ZNF81: variants seen among roughly 807,000 people sequenced by gnomAD.
The protein encoded by ZNF81 is zinc finger protein 81 (HFZ20).
ZNF81 carries 5 observed loss-of-function variants against 32.3 expected under a neutral mutation model. The observed-to-expected ratio is 0.15, with a 90% CI of 0.08 to 0.33. The LOEUF (loss-of-function observed/expected upper bound fraction) is 0.33, where lower values mean the gene tolerates loss of function less well. Ranked by LOEUF, ZNF81 falls within the 10% of genes least tolerant of loss-of-function variation. The probability of loss-of-function intolerance (pLI) is 1.00; values close to 1 mark genes in which losing one functional copy is unlikely to be tolerated. For missense variants in ZNF81, 379 were observed against 479.8 expected (o/e 0.79, Z 1.96); for synonymous variants, 163 against 166.8 (o/e 0.98, Z 0.17).
At chrX:47,893,215 GA>G (rs2058668282) in intron 3 of ZNF81, among the ~76,000 whole-genome samples, 1 of 111,012 alleles carries the variant, frequency 9.0e-6, no homozygotes, top group South Asian at 3.8e-4. Flanking sequence ...GGAATGGATA[GA>G]GGGGTGGAAG....
At chrX:47,862,930 G>A (rs782597896) in intron 2 of ZNF81, among the ~76,000 whole-genome samples, 3 of 111,543 alleles carry the variant, frequency 2.7e-5, no homozygotes, top group African/African-American at 9.8e-5. Context: ...CTAGTTTCAG[G>A]AAAACAAGCT....
intron 2 of ZNF81, among the ~76,000 whole-genome samples, chrX:47,878,397 T>C (rs1181198527): frequency 8.9e-6 from 1 of 112,075 alleles, no homozygotes. Context: ...CCATTTACTT[T>C]CAGTTTCAAG....
chrX:47,872,325 T>C (rs1019045892), intron 2 of ZNF81, among the ~76,000 whole-genome samples: 1 of 112,042 alleles, frequency 8.9e-6, no homozygotes, highest in African/African-American at 3.2e-5. Context: ...GTATCAGTTT[T>C]GCATTGTTCT....
chrX:47,916,367 G>T lies in ZNF81; in HGVS notation c.1721G>T (p.Arg574Ile), dbSNP rs183245244. ...AAGTCAGAGTTGATTACACATCAGAGAATTCATACTACAGAGAAGCCTTAT... is the reference window on the plus strand; with the variant it reads ...AAGTCAGAGTTGATTACACATCAGATAATTCATACTACAGAGAAGCCTTAT... ...IQKSELITHQ[R>I]IHTTEKPYKC... The change falls in exon 5 of 5, where the codon AGA (arginine) becomes ATA (isoleucine). Residue 574 changes from arginine to isoleucine, a missense_variant. Arg to Ile is a moderately conservative substitution (Grantham distance 97). Coordinates refer to ENST00000338637, the MANE Select transcript of ZNF81 (RefSeq NM_007137.5). 48 of 1,209,883 alleles carry T rather than the reference G, an allele frequency of 4.0e-5. No homozygotes were observed. Among genetic ancestry groups the T allele is most frequent in the Admixed American group, 8.8e-5 (4 of 45,666 alleles).
chrX:47,844,042 A>G (rs1395683801), intron 1 of ZNF81, among the ~76,000 whole-genome samples: 6 of 112,297 alleles, frequency 5.3e-5, no homozygotes, highest in Non-Finnish European at 1.1e-4. Flanking sequence ...CACTCCAAAT[A>G]CAATGCTGTA....
chrX:47,877,629 C>A (rs1603191197), intron 2 of ZNF81, among the ~76,000 whole-genome samples: 1 of 111,902 alleles, frequency 8.9e-6, no homozygotes, highest in East Asian at 2.8e-4. Context: ...CAGCCATGGC[C>A]ACATTGGTTT....
chrX:47,890,075 T>C (rs782237218), intron 3 of ZNF81, among the ~76,000 whole-genome samples: 79 of 111,909 alleles, frequency 7.1e-4, no homozygotes, highest in Middle Eastern at 4.6e-3. Context: ...TTGTTGACTA[T>C]CAATTTTGTG....
rs963493666 is a variant in ZNF81, at chrX:47,921,401, A to G, written c.*4769A>G. 1 of 109,949 alleles carries G rather than the reference A, an allele frequency of 9.1e-6. No individual in the cohort carries two copies. The highest frequency in any genetic ancestry group is 1.9e-5 in the Non-Finnish European group (1 of 52,796). 9.1% of individuals were successfully genotyped at this position (109,949 alleles called of 1,213,427 possible). On this transcript the variant is annotated 3_prime_UTR_variant, in exon 5 of 5. Transcript: ENST00000338637. ...ATGGAGCAGTAATGGAGCAAAGACC[A>G]GCCATCCCAGTTGAGATACCCTACA...
intron 2 of ZNF81, among the ~76,000 whole-genome samples, chrX:47,885,481 T>C (rs1478024853): frequency 2.7e-5 from 3 of 112,239 alleles, no homozygotes; most frequent in Non-Finnish European, 5.6e-5. Context: ...TTTGTCCTAC[T>C]GTAACAACAT....
At position 47,865,451 on chromosome X, in the gene ZNF81, T is replaced by C. The variant is rs782451512; in HGVS notation, c.54+19130T>C. Among the ~76,000 whole-genome samples, 5 of 112,018 alleles carry C rather than the reference T, an allele frequency of 4.5e-5. No individual in the cohort carries two copies. In the East Asian group the frequency reaches 1.4e-3, roughly 32 times the overall value. On this transcript the variant is annotated intron_variant, in intron 2 of 4. Transcript: ENST00000338637. ...AAAAATCCAAAACCCAAAGGGCTCT[T>C]CTGGGTGGAGGTTGCCTCCCTTTGT...
intron 2 of ZNF81, among the ~76,000 whole-genome samples, chrX:47,848,571 T>C (rs2058480821): frequency 1.8e-5 from 2 of 111,581 alleles, no homozygotes; most frequent in Non-Finnish European, 3.8e-5. Flanking sequence ...TTTTGACAAC[T>C]TAATTTTTTG....
Position 47,850,885 on chromosome X carries a change from A to ACG in ZNF81, c.54+4570_54+4571dup, listed in dbSNP as rs781846671. 4.5e-4 allele frequency among the ~76,000 whole-genome samples: 34 copies of ACG among 76,117 alleles called. 1 individual carries two copies. Among genetic ancestry groups the ACG allele is most frequent in the African/African-American group, 7.8e-4 (16 of 20,631 alleles). 66.1% of individuals were successfully genotyped at this position (76,117 alleles called of 115,157 possible). ...CAAACACGTGCACTCATTCACAGGC[A>ACG]CGCGCGCACACACACACACACACAC... On this transcript the variant is annotated intron_variant, in intron 2 of 4. Coordinates refer to ENST00000338637, the MANE Select transcript of ZNF81 (RefSeq NM_007137.5).
Position 47,846,399 on chromosome X carries a change from A to G in ZNF81, c.54+78A>G. On this transcript the variant is annotated intron_variant, in intron 2 of 4. Transcript: ENST00000338637. Reference sequence around the variant, plus strand: ...GGAAAGATACTACCTCATAGTTTTCATTTCTAGTACTTTTTTTAGCAGGCA... The same window carrying G: ...GGAAAGATACTACCTCATAGTTTTCGTTTCTAGTACTTTTTTTAGCAGGCA... The G allele has an allele frequency of 3.6e-6, 4 of 1,100,201 alleles. No homozygotes were observed. In the South Asian group the frequency reaches 5.8e-5, roughly 16 times the overall value. 90.7% of individuals were successfully genotyped at this position (1,100,201 alleles called of 1,213,427 possible).
intron 2 of ZNF81, among the ~76,000 whole-genome samples, chrX:47,878,635 C>G (rs781983442): frequency 2.7e-5 from 3 of 112,140 alleles, no homozygotes; most frequent in Non-Finnish European, 5.6e-5. Context: ...TCCCCAGTTC[C>G]TCCTCAATGA....
intron 3 of ZNF81, among the ~76,000 whole-genome samples, chrX:47,891,197 CA>C (rs1457384352): frequency 8.9e-6 from 1 of 112,438 alleles, no homozygotes; most frequent in African/African-American, 3.2e-5. Flanking sequence ...ACAAGTATCA[CA>C]AAAAAACATT....
intron 2 of ZNF81, among the ~76,000 whole-genome samples, chrX:47,859,306 A>G (rs1376840898): frequency 9.0e-6 from 1 of 110,946 alleles, no homozygotes; most frequent in Non-Finnish European, 1.9e-5. Context: ...TTGTATTTGA[A>G]GGCTTATCAG....
chrX:47,867,536 C>T (rs1171098833), intron 2 of ZNF81, among the ~76,000 whole-genome samples: 1 of 111,966 alleles, frequency 8.9e-6, no homozygotes, highest in East Asian at 2.8e-4. Context: ...GGCAGTTAGA[C>T]ATCTAAAGAT....
Position 47,915,444 on chromosome X carries a change from A to G in ZNF81, c.798A>G (p.Lys266=). 8.3e-7 allele frequency: 1 copy of G among 1,211,626 alleles called. No individual in the cohort carries two copies. Among genetic ancestry groups the G allele is most frequent in the Admixed American group, 2.2e-5 (1 of 45,933 alleles). The change falls in exon 5 of 5, where the codon AAA becomes AAG. Residue 266 remains lysine (K), a synonymous_variant. Coordinates refer to ENST00000338637, the MANE Select transcript of ZNF81 (RefSeq NM_007137.5). The part of the protein sequence containing the change: ...SLKHSLSQNV[K]FPIGEKANTC... The stretch of plus-strand genomic sequence containing the variant: ...AACACTCACTCAGTCAAAATGTGAA[A>G]TTTCCCATTGGAGAGAAAGCAAACA...
rs186251256 is a variant in ZNF81, at chrX:47,915,200, C to T, written c.554C>T (p.Ser185Leu). 0.013 allele frequency: 15,630 copies of T among 1,202,294 alleles called. 79 individuals are homozygous for T. The highest frequency in any genetic ancestry group is 0.016 in the Non-Finnish European group (14,020 of 891,705). The change falls in exon 5 of 5, where the codon TCA (serine) becomes TTA (leucine). Residue 185 changes from serine to leucine, a missense_variant. Ser to Leu is a moderately radical substitution (Grantham distance 145). Transcript: ENST00000338637. ...FVHPSPNLIL[S>L]QKRPHKRDSF... ...CATCCAAGCCCAAATCTCATTCTTT[C>T]ACAGAAAAGACCCCATAAACGTGAT...
Sources: allele counts gnomAD v4.1 joint callset (sites outside exome capture counted in the v4.1 genomes callset), GRCh38; gene constraint gnomAD v4.1.1; transcripts MANE v1.5; gene names NCBI Gene and HGNC (gene_info 2026-07-23, HGNC 2026-07-21).